Variants in SUGCT observed in about 807,000 individuals in gnomAD.
The protein encoded by SUGCT is succinyl-CoA:glutarate-CoA transferase, also known as succinyl-CoA:glutarate CoA-transferase.
SUGCT carries 41 observed loss-of-function variants against 55.0 expected under a neutral mutation model. The observed-to-expected ratio is 0.74, with a 90% CI of 0.58 to 0.97. The LOEUF (loss-of-function observed/expected upper bound fraction) is 0.97, where lower values mean the gene tolerates loss of function less well. Ranked by LOEUF, SUGCT falls within the 50% of genes least tolerant of loss-of-function variation. The probability of loss-of-function intolerance (pLI) is 0.00; values close to 1 mark genes in which losing one functional copy is unlikely to be tolerated. For missense variants in SUGCT, 568 were observed against 547.8 expected, an observed-to-expected ratio of 1.04 and a Z score of -0.37; for synonymous variants, 187 against 200.4, an observed-to-expected ratio of 0.93 and a Z score of 0.56.
intron 9 of SUGCT, among the ~76,000 whole-genome samples, chr7:40,327,953 A>C (rs1201780529): frequency 1.3e-5 from 2 of 152,194 alleles, no homozygotes; most frequent in Non-Finnish European, 1.5e-5. Flanking sequence ...AGGCATAGAG[A>C]GTTTAGATAA....
At chr7:40,376,523 C>T (rs1784554077) in intron 9 of SUGCT, among the ~76,000 whole-genome samples, 1 of 152,010 alleles carries the variant, frequency 6.6e-6, no homozygotes, top group Admixed American at 6.6e-5. Context: ...TCCTGAGTAG[C>T]TGGGACTACA....
At chr7:40,438,990 A>G (rs1474218543) in intron 9 of SUGCT, among the ~76,000 whole-genome samples, 1 of 145,304 alleles carries the variant, frequency 6.9e-6, no homozygotes, top group Non-Finnish European at 1.5e-5. Flanking sequence ...TACTGTATAT[A>G]TAGAAAGTAT....
intron 12 of SUGCT, among the ~76,000 whole-genome samples, chr7:40,537,144 CTT>C (rs1211212866): frequency 6.6e-6 from 1 of 152,086 alleles, no homozygotes; most frequent in Non-Finnish European, 1.5e-5. Context: ...CTTTCTGTGA[CTT>C]TGAGAAAGGA....
At chr7:40,795,602 G>A (rs1451043156) in intron 13 of SUGCT, among the ~76,000 whole-genome samples, 2 of 152,070 alleles carry the variant, frequency 1.3e-5, no homozygotes, top group Non-Finnish European at 2.9e-5. Flanking sequence ...GCTTCAATCC[G>A]CATCGACACA....
chr7:40,735,163 A>G (rs1405113403), intron 12 of SUGCT, among the ~76,000 whole-genome samples: 1 of 152,152 alleles, frequency 6.6e-6, no homozygotes, highest in African/African-American at 2.4e-5. Context: ...TCTTAACTTG[A>G]AAGTTTGTAG....
At chr7:40,439,115 TAG>T (rs1249502218) in intron 9 of SUGCT, among the ~76,000 whole-genome samples, 7 of 118,410 alleles carry the variant, frequency 5.9e-5, no homozygotes, top group Non-Finnish European at 8.7e-5. Context: ...TATATATGGA[TAG>T]AGAGAGAGAG....
intron 12 of SUGCT, among the ~76,000 whole-genome samples, chr7:40,726,614 A>G (rs1043310372): frequency 6.6e-6 from 1 of 152,130 alleles, no homozygotes; most frequent in African/African-American, 2.4e-5. Context: ...TATAAAGGCC[A>G]ATATCTTATA....
intron 11 of SUGCT, among the ~76,000 whole-genome samples, chr7:40,472,192 C>T (rs1156301398): frequency 6.6e-6 from 1 of 151,960 alleles, no homozygotes; most frequent in Non-Finnish European, 1.5e-5. Context: ...TCTTGGAGTC[C>T]TACGTAAATG....
At chr7:40,367,984 T>G (rs759060848) in intron 9 of SUGCT, among the ~76,000 whole-genome samples, 27 of 152,098 alleles carry the variant, frequency 1.8e-4, no homozygotes, top group Non-Finnish European at 3.4e-4. Context: ...GATGAGTCAC[T>G]CCTCTTCTAG....
At chr7:40,341,540 C>A (rs1434024538) in intron 9 of SUGCT, among the ~76,000 whole-genome samples, 1 of 152,134 alleles carries the variant, frequency 6.6e-6, no homozygotes, top group Non-Finnish European at 1.5e-5. Context: ...AAAGGGCAGG[C>A]ACACAATGAA....
chr7:40,413,600 A>G (rs930197638), intron 9 of SUGCT, among the ~76,000 whole-genome samples: 1 of 152,206 alleles, frequency 6.6e-6, no homozygotes, highest in African/African-American at 2.4e-5. Flanking sequence ...TTCTCACAAC[A>G]TCTGTATGTG....
chr7:40,823,494 G>A (rs1792136546), intron 13 of SUGCT, among the ~76,000 whole-genome samples: 1 of 151,940 alleles, frequency 6.6e-6, no homozygotes, highest in Non-Finnish European at 1.5e-5. Flanking sequence ...GGTAACTGTC[G>A]TTTCACATGT....
At chr7:40,837,496 T>A (rs2128784994) in intron 13 of SUGCT, among the ~76,000 whole-genome samples, 1 of 152,346 alleles carries the variant, frequency 6.6e-6, no homozygotes, top group Non-Finnish European at 1.5e-5. Context: ...TAAGAATTCT[T>A]CACCTAGTCT....
intron 12 of SUGCT, among the ~76,000 whole-genome samples, chr7:40,688,670 A>T (rs1240974729): frequency 6.6e-6 from 1 of 152,094 alleles, no homozygotes; most frequent in Non-Finnish European, 1.5e-5. Context: ...TAACACTAAT[A>T]GTGTTTGGAA....
intron 9 of SUGCT, among the ~76,000 whole-genome samples, chr7:40,352,132 G>T (rs775646652): frequency 2.2e-4 from 33 of 152,264 alleles, no homozygotes; most frequent in Middle Eastern, 3.4e-3. Flanking sequence ...ACCACATCTC[G>T]ATCTGTCTGC....
At chr7:40,615,120 A>G (rs1370029987) in intron 12 of SUGCT, among the ~76,000 whole-genome samples, 1 of 152,080 alleles carries the variant, frequency 6.6e-6, no homozygotes, top group African/African-American at 2.4e-5. Flanking sequence ...TTTATTTACA[A>G]ACACACTGCT....
At chr7:40,992,294 A>T in the SUGCT span, among the ~76,000 whole-genome samples, 1 of 152,154 alleles carries the variant, frequency 6.6e-6, no homozygotes, top group African/African-American at 2.4e-5. Context: ...GTCTTTTAGC[A>T]TGTTAATGTG....
intron 7 of SUGCT, among the ~76,000 whole-genome samples, chr7:40,256,590 T>C (rs1417529495): frequency 1.3e-5 from 2 of 152,132 alleles, no homozygotes; most frequent in African/African-American, 4.8e-5. Flanking sequence ...ATTTCCTTTT[T>C]TGGGGAGAGA....
intron 12 of SUGCT, among the ~76,000 whole-genome samples, chr7:40,558,372 C>T (rs181767554): frequency 6.6e-6 from 1 of 151,040 alleles, no homozygotes; most frequent in Non-Finnish European, 1.5e-5. Flanking sequence ...ACTGAAGTGT[C>T]TGTCAATGGA....
Sources: gnomAD v4.1 joint callset for allele counts (sites outside exome capture counted in the v4.1 genomes callset) on GRCh38, gnomAD v4.1.1 for gene constraint, MANE v1.5 for transcripts, NCBI Gene and HGNC (gene_info 2026-07-23, HGNC 2026-07-21) for gene names.